LDLRAD4: variants seen among roughly 807,000 people sequenced by gnomAD.
LDLRAD4 encodes low density lipoprotein receptor class A domain containing 4.
In LDLRAD4, 5 loss-of-function variants were observed where a neutral mutation model predicts 17.0. The ratio of observed to expected loss-of-function variants is 0.29; its 90% CI spans 0.15 to 0.62. The LOEUF (loss-of-function observed/expected upper bound fraction) is 0.62, where lower values mean the gene tolerates loss of function less well. Ranked by LOEUF, LDLRAD4 falls within the 20% of genes least tolerant of loss-of-function variation. LDLRAD4 has a pLI of 0.84. For missense variants in LDLRAD4, 340 were observed against 424.7 expected (o/e 0.80, Z 1.75); for synonymous variants, 168 against 171.8 (o/e 0.98, Z 0.17).
intron 1 of LDLRAD4, among the ~76,000 whole-genome samples, chr18:13,270,561 A>G (rs2044476117): frequency 6.6e-6 from 1 of 152,184 alleles, no homozygotes; most frequent in Non-Finnish European, 1.5e-5. Flanking sequence ...TCATTAAGTT[A>G]TTTCAGAGTA....
intron 2 of LDLRAD4, among the ~76,000 whole-genome samples, chr18:13,393,820 TC>T (rs1328751679): frequency 6.6e-6 from 1 of 152,166 alleles, no homozygotes; most frequent in Non-Finnish European, 1.5e-5. Context: ...TGACCAAAGT[TC>T]CTGACACAGT....
chr18:13,469,019 A>G (rs2092700436), intron 3 of LDLRAD4, among the ~76,000 whole-genome samples: 2 of 152,194 alleles, frequency 1.3e-5, no homozygotes, highest in African/African-American at 2.4e-5. Context: ...AAAAAGAACT[A>G]CTAAAAGACT....
chr18:13,264,089 C>T (rs1435872355), intron 1 of LDLRAD4, among the ~76,000 whole-genome samples: 1 of 152,222 alleles, frequency 6.6e-6, no homozygotes, highest in African/African-American at 2.4e-5. Context: ...CGACCCGGCC[C>T]TGTCCCCTCT....
intron 1 of LDLRAD4, among the ~76,000 whole-genome samples, chr18:13,325,765 T>A (rs1182588575): frequency 6.6e-6 from 1 of 151,906 alleles, no homozygotes; most frequent in Non-Finnish European, 1.5e-5. Context: ...TCCTTTTTTT[T>A]TTTTTGAGAC....
At chr18:13,376,146 T>C (rs2084894279) in intron 1 of LDLRAD4, among the ~76,000 whole-genome samples, 1 of 152,306 alleles carries the variant, frequency 6.6e-6, no homozygotes, top group Middle Eastern at 3.4e-3. Context: ...CCTCCCTGCC[T>C]GTCCTCCCAG....
intron 1 of LDLRAD4, among the ~76,000 whole-genome samples, chr18:13,257,910 A>G (rs564033883): frequency 2.0e-5 from 3 of 152,332 alleles, no homozygotes; most frequent in South Asian, 2.1e-4. Flanking sequence ...AAGATGAGAA[A>G]AGGATACAAT....
chr18:13,370,972 G>A (rs2144848558), intron 1 of LDLRAD4, among the ~76,000 whole-genome samples: 1 of 152,150 alleles, frequency 6.6e-6, no homozygotes, highest in Middle Eastern at 3.4e-3. Flanking sequence ...GCCTCCCAAA[G>A]TGCTGGGTTT....
intron 1 of LDLRAD4, among the ~76,000 whole-genome samples, chr18:13,263,240 G>A (rs543567514): frequency 1.3e-5 from 2 of 150,480 alleles, no homozygotes; most frequent in African/African-American, 2.5e-5. Context: ...GCTGAGTCCC[G>A]TGCGGCTCTG....
intron 3 of LDLRAD4, among the ~76,000 whole-genome samples, chr18:13,616,335 G>C (rs1028852169): frequency 1.6e-4 from 25 of 152,118 alleles, no homozygotes; most frequent in Non-Finnish European, 3.1e-4. Flanking sequence ...CAGGGCTCAG[G>C]GTCTGGGAAT....
intron 3 of LDLRAD4, among the ~76,000 whole-genome samples, chr18:13,539,261 G>T (rs775274717): frequency 6.6e-5 from 10 of 152,308 alleles, no homozygotes; most frequent in Non-Finnish European, 1.0e-4. Context: ...CTGTGTGAGC[G>T]CAAGGACCCA....
At chr18:13,415,052 T>A (rs890365228) in intron 2 of LDLRAD4, among the ~76,000 whole-genome samples, 14 of 152,188 alleles carry the variant, frequency 9.2e-5, no homozygotes, top group Non-Finnish European at 2.9e-5. Context: ...AAGTTTTATA[T>A]CTTCTTTCTG....
chr18:13,222,352 G>GT (rs1194675196), intron 1 of LDLRAD4, among the ~76,000 whole-genome samples: 1 of 151,822 alleles, frequency 6.6e-6, no homozygotes, highest in East Asian at 1.9e-4. Context: ...GAGAGAAAAG[G>GT]AACAGAAAAG....
At chr18:13,317,938 A>G (rs1306452252) in intron 1 of LDLRAD4, among the ~76,000 whole-genome samples, 3 of 152,160 alleles carry the variant, frequency 2.0e-5, no homozygotes, top group Non-Finnish European at 4.4e-5. Context: ...AGAGGAATCT[A>G]TGTCTTCTTT....
intron 3 of LDLRAD4, among the ~76,000 whole-genome samples, chr18:13,579,859 C>T (rs2094831633): frequency 6.6e-6 from 1 of 152,284 alleles, no homozygotes; most frequent in South Asian, 2.1e-4. Context: ...GAAACGCAGT[C>T]TGTCATGCGT....
At chr18:13,233,457 C>G (rs925648408) in intron 1 of LDLRAD4, among the ~76,000 whole-genome samples, 3 of 152,182 alleles carry the variant, frequency 2.0e-5, no homozygotes, top group Non-Finnish European at 4.4e-5. Context: ...TGGAAATATT[C>G]TCCATCCTGT....
In LDLRAD4 at chr18:13,566,371, T is replaced by TA. The variant is rs753292686; in HGVS notation, c.182-54746_182-54745insA. ...CAATAAAGAGCATGCCTTAGACTTTTTTTTTTTTTTGAGACAGAGTCTCGC... is the reference window on the plus strand; with the variant it reads ...CAATAAAGAGCATGCCTTAGACTTTTATTTTTTTTTTGAGACAGAGTCTCGC... On this transcript the variant is annotated intron_variant, in intron 3 of 5. Transcript: ENST00000359446. Among the ~76,000 whole-genome samples, 280 of 151,188 alleles carry TA rather than the reference T, an allele frequency of 1.9e-3. 1 individual carries two copies. The highest frequency in any genetic ancestry group is 6.4e-3 in the African/African-American group (263 of 41,248).
At chr18:13,513,059 G>T (rs746839452) in intron 3 of LDLRAD4, among the ~76,000 whole-genome samples, 14 of 152,200 alleles carry the variant, frequency 9.2e-5, no homozygotes, top group Non-Finnish European at 1.8e-4. Flanking sequence ...GGTCTAAACT[G>T]CCCAGAGGGC....
chr18:13,361,408 G>GAA (rs1474411439), intron 1 of LDLRAD4, among the ~76,000 whole-genome samples: 1 of 152,204 alleles, frequency 6.6e-6, no homozygotes, highest in East Asian at 1.9e-4. Flanking sequence ...ATTGGAAGAA[G>GAA]GGTATATATC....
chr18:13,612,404 G>C, intron 3 of LDLRAD4: 1 of 1,207,364 alleles, frequency 8.3e-7, no homozygotes, highest in Non-Finnish European at 1.0e-6. Flanking sequence ...GCTTCCTGCC[G>C]CAGAGCTCCT....
Sources: gnomAD v4.1 joint callset for allele counts (sites outside exome capture counted in the v4.1 genomes callset) on GRCh38, gnomAD v4.1.1 for gene constraint, MANE v1.5 for transcripts, NCBI Gene and HGNC (gene_info 2026-07-23, HGNC 2026-07-21) for gene names.